ESRRB: variants seen among roughly 807,000 people sequenced by gnomAD.
The protein encoded by ESRRB is estrogen related receptor beta, also known as steroid hormone receptor ERR2.
A neutral mutation model predicts 46.0 loss-of-function variants in ESRRB; 16 were observed. The observed-to-expected ratio is 0.35, with a 90% CI of 0.24 to 0.53. The LOEUF is 0.53. Ranked by LOEUF, ESRRB falls within the 20% of genes least tolerant of loss-of-function variation. The pLI is 0.93. For missense variants in ESRRB, 488 were observed against 607.4 expected, an observed-to-expected ratio of 0.80 and a Z score of 2.07; for synonymous variants, 246 against 259.6, an observed-to-expected ratio of 0.95 and a Z score of 0.50.
At chr14:76,444,290 C>A (rs1441893361) in intron 2 of ESRRB, among the ~76,000 whole-genome samples, 1 of 152,132 alleles carries the variant, frequency 6.6e-6, no homozygotes, top group Admixed American at 6.5e-5. Context: ...ACCTTGGCCT[C>A]CCAAAGTGCT....
At chr14:76,440,962 C>A (rs1040741542) in intron 2 of ESRRB, among the ~76,000 whole-genome samples, 15 of 152,258 alleles carry the variant, frequency 9.9e-5, no homozygotes, top group African/African-American at 3.1e-4. Flanking sequence ...ACAGGAGAAT[C>A]GCTTGAACCC....
chr14:76,322,468 G>A (rs540169114), intron 1 of ESRRB, among the ~76,000 whole-genome samples: 1 of 152,154 alleles, frequency 6.6e-6, no homozygotes, highest in South Asian at 2.1e-4. Context: ...CACCTTCCTG[G>A]CCCCATCTCC....
intron 1 of ESRRB, among the ~76,000 whole-genome samples, chr14:76,394,553 G>A (rs532505595): frequency 9.2e-5 from 14 of 152,288 alleles, no homozygotes; most frequent in Admixed American, 5.2e-4. Context: ...TTGCTCCAGC[G>A]CCCTCATTTT....
chr14:76,417,972 G>T (rs1220112549), intron 1 of ESRRB, among the ~76,000 whole-genome samples: 1 of 132,510 alleles, frequency 7.5e-6, no homozygotes, highest in African/African-American at 2.9e-5. Flanking sequence ...TTTTTTTGGT[G>T]GGGGATGGAG....
chr14:76,450,836 G>C (rs1440318682), intron 2 of ESRRB, among the ~76,000 whole-genome samples: 1 of 152,224 alleles, frequency 6.6e-6, no homozygotes, highest in Non-Finnish European at 1.5e-5. Context: ...TAGCCAACTG[G>C]CTGACCTTGG....
At chr14:76,324,066 C>T (rs1416297672) in intron 1 of ESRRB, among the ~76,000 whole-genome samples, 1 of 152,112 alleles carries the variant, frequency 6.6e-6, no homozygotes, top group African/African-American at 2.4e-5. Context: ...AGGGGCAGAG[C>T]CTGAAATGGG....
intron 1 of ESRRB, among the ~76,000 whole-genome samples, chr14:76,408,422 T>A (rs865951002): frequency 1.1e-4 from 17 of 151,498 alleles, no homozygotes; most frequent in Non-Finnish European, 1.9e-4. Context: ...CTACAAAAAA[T>A]TTTTAAAAAT....
At chr14:76,430,973 G>A (rs1384794649) in intron 1 of ESRRB, among the ~76,000 whole-genome samples, 1 of 152,204 alleles carries the variant, frequency 6.6e-6, no homozygotes, top group Non-Finnish European at 1.5e-5. Flanking sequence ...GCCACCTAGT[G>A]TGGGAAAGAT....
chr14:76,422,219 T>G (rs1292455477), intron 1 of ESRRB, among the ~76,000 whole-genome samples: 1 of 146,154 alleles, frequency 6.8e-6, no homozygotes, highest in African/African-American at 2.5e-5. Context: ...TTTTTTTTTT[T>G]TTTTTTTTTT....
chr14:76,499,995 C>T lies in ESRRB; in HGVS notation c.*1537C>T. 6.3e-7 allele frequency: 1 copy of T among 1,579,494 alleles called. No individual in the cohort carries two copies. The highest frequency in any genetic ancestry group is 1.2e-5 in the South Asian group (1 of 86,428). ...CTCCCCGGGGATCCCCAATCCACGC[C>T]CTTCTAGTCCAACCCCCCTCAATGA... On this transcript the variant is annotated 3_prime_UTR_variant, in exon 7 of 7. Coordinates refer to ENST00000644823, the MANE Select transcript of ESRRB (RefSeq NM_001379180.1).
chr14:76,464,532 G>A (rs1324220107), intron 3 of ESRRB, among the ~76,000 whole-genome samples: 2 of 152,140 alleles, frequency 1.3e-5, no homozygotes, highest in African/African-American at 4.8e-5. Context: ...TGGCACACTG[G>A]CTTTTAAAAT....
chr14:76,351,946 C>T (rs1884317285), intron 1 of ESRRB, among the ~76,000 whole-genome samples: 1 of 141,568 alleles, frequency 7.1e-6, no homozygotes, highest in Admixed American at 7.4e-5. Context: ...GATGGCACTA[C>T]TGCACTCGAG....
chr14:76,434,377 G>T (rs953433359), intron 1 of ESRRB, among the ~76,000 whole-genome samples: 4 of 152,192 alleles, frequency 2.6e-5, no homozygotes, highest in African/African-American at 9.6e-5. Context: ...GCGAAGCTGG[G>T]GGTGGTGGCC....
intron 3 of ESRRB, among the ~76,000 whole-genome samples, chr14:76,472,450 A>G (rs1304809557): frequency 6.6e-6 from 1 of 152,230 alleles, no homozygotes; most frequent in Non-Finnish European, 1.5e-5. Context: ...CTGGAATATT[A>G]GGTGTCATGT....
At position 76,445,466 on chromosome 14, in the gene ESRRB, CAAAAAAAAAA is replaced by C. The variant is rs747627410; in HGVS notation, c.460+5726_460+5735del. ...GGGCAACAAAAGCAAAACTCCGTCT[CAAAAAAAAAA>C]AAAAAAAAAGAAAGAAAGAAAGAAA... is the stretch of plus-strand genomic sequence containing the variant. On this transcript the variant is annotated intron_variant, in intron 2 of 6. Transcript: ENST00000644823. Among the ~76,000 whole-genome samples the C allele has an allele frequency of 3.1e-4, 25 of 79,812 alleles. No homozygotes were observed. The East Asian group carries it at 7.3e-3, about 23-fold the overall frequency. 52.4% of individuals were successfully genotyped at this position (79,812 alleles called of 152,430 possible).
At chr14:76,476,069 GTTTT>G (rs79346463) in intron 3 of ESRRB, among the ~76,000 whole-genome samples, 1 of 146,568 alleles carries the variant, frequency 6.8e-6, no homozygotes, top group Non-Finnish European at 1.5e-5. Flanking sequence ...AGTGAAGTGG[GTTTT>G]TTTTTTTATT....
intron 1 of ESRRB, among the ~76,000 whole-genome samples, chr14:76,390,157 C>T (rs1418534931): frequency 6.6e-6 from 1 of 152,202 alleles, no homozygotes; most frequent in Non-Finnish European, 1.5e-5. Context: ...TCCTCTTCTG[C>T]TGTGATCTTC....
intron 1 of ESRRB, among the ~76,000 whole-genome samples, chr14:76,343,828 T>G (rs1030120459): frequency 3.9e-5 from 6 of 152,252 alleles, no homozygotes; most frequent in African/African-American, 1.4e-4. Flanking sequence ...AATAAAATCA[T>G]TAATTTGTAG....
Position 76,398,792 on chromosome 14 carries a change from T to C in ESRRB, c.50+22341T>C, listed in dbSNP as rs536725550. Among the ~76,000 whole-genome samples, 12 of 152,318 alleles carry C rather than the reference T, an allele frequency of 7.9e-5. No individual in the cohort carries two copies. In the South Asian group the frequency reaches 2.5e-3, roughly 32 times the overall value. ...CTCCTCCTTTTACAAGTGTTGAAAC[T>C]GAGGCTGTGTGCCTTGCTCAGGTTG... On this transcript the variant is annotated intron_variant, in intron 1 of 6. Transcript: ENST00000644823.
Sources: gnomAD v4.1 joint callset for allele counts (sites outside exome capture counted in the v4.1 genomes callset) on GRCh38, gnomAD v4.1.1 for gene constraint, MANE v1.5 for transcripts, NCBI Gene and HGNC (gene_info 2026-07-23, HGNC 2026-07-21) for gene names.